Variants in CCDC15 observed in about 807,000 individuals in gnomAD.
CCDC15 encodes coiled-coil domain containing 15, also known as coiled-coil domain-containing protein 15.
CCDC15 carries 105 observed loss-of-function variants against 114.5 expected under a neutral mutation model. The observed-to-expected ratio is 0.92, with a 90% CI of 0.78 to 1.08. The LOEUF is 1.08. Ranked by LOEUF, CCDC15 falls within the 50% of genes least tolerant of loss-of-function variation. CCDC15 has a pLI of 0.00. For synonymous variants in CCDC15, 334 were observed against 377.8 expected (o/e 0.88, Z 1.34); for missense variants, 1,105 against 1,093.6 (o/e 1.01, Z -0.15).
intron 11 of CCDC15, among the ~76,000 whole-genome samples, chr11:124,993,704 A>G (rs1264509540): frequency 6.6e-6 from 1 of 152,190 alleles, no homozygotes; most frequent in Non-Finnish European, 1.5e-5. Context: ...TTAAAGAGTA[A>G]GCAACAGAAA....
chr11:124,959,744 C>T, intron 3 of CCDC15, 71 bp from the exon 4 acceptor site: 2 of 1,069,974 alleles, frequency 1.9e-6, no homozygotes, highest in Non-Finnish European at 2.6e-6. Context: ...TTCTGAACTG[C>T]TTTAGAGGCA....
intron 13 of CCDC15, among the ~76,000 whole-genome samples, chr11:125,009,127 T>A (rs184562648): frequency 8.6e-5 from 13 of 151,100 alleles, no homozygotes; most frequent in African/African-American, 3.2e-4. Context: ...CTCGGGAGGC[T>A]GAGGCAGGGG....
intron 13 of CCDC15, among the ~76,000 whole-genome samples, chr11:125,031,997 T>G (rs1194253888): frequency 6.6e-6 from 1 of 152,166 alleles, no homozygotes; most frequent in Non-Finnish European, 1.5e-5. Context: ...TCTCGACAGG[T>G]CCCACACCAC....
chr11:124,976,053 G>A (rs1017140963), intron 5 of CCDC15, among the ~76,000 whole-genome samples: 1 of 151,494 alleles, frequency 6.6e-6, no homozygotes, highest in Non-Finnish European at 1.5e-5. Flanking sequence ...TGTTTTATAG[G>A]CAGCATCTAG....
At position 125,029,715 on chromosome 11, in the gene CCDC15, G is replaced by A. The variant is rs1948725740; in HGVS notation, c.2412-8716G>A. Among the ~76,000 whole-genome samples the A allele has an allele frequency of 2.0e-5, 3 of 152,204 alleles. No homozygotes were observed. In the South Asian group the frequency reaches 6.2e-4, roughly 31 times the overall value. ...TTGCCTTCAGCAAGCACCTCGGAGAGTCTTGGTTTTTTTCCTGGTGGAGTG... is the reference window on the plus strand; with the variant it reads ...TTGCCTTCAGCAAGCACCTCGGAGAATCTTGGTTTTTTTCCTGGTGGAGTG... On this transcript the variant is annotated intron_variant, in intron 13 of 15. Transcript: ENST00000344762.
intron 13 of CCDC15, among the ~76,000 whole-genome samples, chr11:125,006,576 A>T (rs1043452697): frequency 6.6e-6 from 1 of 151,996 alleles, no homozygotes; most frequent in Non-Finnish European, 1.5e-5. Flanking sequence ...TGTTATATAT[A>T]AAAAAAAGTC....
intron 13 of CCDC15, among the ~76,000 whole-genome samples, chr11:125,009,455 A>C (rs1948574980): frequency 6.6e-6 from 1 of 152,202 alleles, no homozygotes; most frequent in African/African-American, 2.4e-5. Context: ...AATGTGTTCA[A>C]ATAGCATAAT....
chr11:125,040,928 G>A lies in CCDC15; in HGVS notation c.*217G>A. 1 of 498,280 alleles carries A rather than the reference G, an allele frequency of 2.0e-6. No individual in the cohort carries two copies. The highest frequency in any genetic ancestry group is 3.5e-6 in the Non-Finnish European group (1 of 282,034). The allele number at this position is 498,280 out of a possible 1,614,324, so 30.9% of individuals were successfully genotyped here. ...TCTTCTGTCTTGTGAACCATACGGA[G>A]CCTATTATTTTAAAATATGATCAGA... On this transcript the variant is annotated 3_prime_UTR_variant, in exon 16 of 16. Transcript: ENST00000344762.
rs1365002248 is a variant in CCDC15, at chr11:125,025,067, A to AAT, written c.2412-13359_2412-13358dup. Among the ~76,000 whole-genome samples, 45 of 115,090 alleles carry AAT rather than the reference A, an allele frequency of 3.9e-4. 3 individuals are homozygous for AAT. The highest frequency in any genetic ancestry group is 1.4e-3 in the African/African-American group (35 of 25,656). 75.5% of individuals were successfully genotyped at this position (115,090 alleles called of 152,430 possible). On this transcript the variant is annotated intron_variant, in intron 13 of 15. Transcript: ENST00000344762. The stretch of plus-strand genomic sequence containing the variant: ...ATGAATATATATGAATATATATATG[A>AAT]ATATATGAATATATATGAATATATA...
intron 11 of CCDC15, 116 bp downstream of exon 11, chr11:124,993,359 T>C (rs1948304722): frequency 1.5e-6 from 1 of 651,520 alleles, no homozygotes; most frequent in Non-Finnish European, 2.7e-6. Context: ...GACAGGGCAA[T>C]GTAACTGCTT....
At chr11:124,997,475 G>C (rs1450809161) in intron 11 of CCDC15, among the ~76,000 whole-genome samples, 2 of 151,918 alleles carry the variant, frequency 1.3e-5, no homozygotes, top group African/African-American at 4.8e-5. Context: ...TTTTTGTAGA[G>C]ACAGGGTCTT....
intron 11 of CCDC15, among the ~76,000 whole-genome samples, chr11:124,996,565 C>T (rs1264615439): frequency 6.6e-6 from 1 of 152,148 alleles, no homozygotes; most frequent in African/African-American, 2.4e-5. Flanking sequence ...TAAAATTTCC[C>T]ATTTTAATCC....
At position 124,987,905 on chromosome 11, in the gene CCDC15, A is replaced by G; in HGVS notation, c.1679A>G (p.Gln560Arg). The part of the protein sequence containing the change: ...DWNILPKCQD[Q>R]DFLPRDQGVL... ...AATATTCTACCCAAATGTCAGGACC[A>G]GGATTTTCTACCCAGAGACCAAGGT... The change falls in exon 8 of 16, where the codon CAG becomes CGG. Residue 560 changes from glutamine to arginine, a missense_variant. Coordinates refer to ENST00000344762, the MANE Select transcript of CCDC15 (RefSeq NM_025004.3). The G allele has an allele frequency of 6.2e-7, 1 of 1,614,054 alleles. No individual in the cohort carries two copies. Among genetic ancestry groups the G allele is most frequent in the Non-Finnish European group, 8.5e-7 (1 of 1,179,896 alleles).
chr11:125,020,925 T>G (rs1316277806), intron 13 of CCDC15, among the ~76,000 whole-genome samples: 1 of 151,916 alleles, frequency 6.6e-6, no homozygotes, highest in East Asian at 1.9e-4. Context: ...TGTGGATTTT[T>G]TTTTTCCTAG....
chr11:124,977,556 G>T lies in CCDC15; in HGVS notation c.709G>T (p.Gly237Cys), dbSNP rs752482971. The change falls in exon 6 of 16, where the codon GGT becomes TGT. Residue 237 changes from glycine (G) to cysteine (C), a missense_variant. Physicochemically the swap from Gly to Cys is radical, Grantham distance 159. Transcript: ENST00000344762. ...RGELPIKVHQ[G>C]LLAAVPYQNY... Reference sequence around the variant, plus strand: ...AGAGTTGCCCATTAAGGTCCATCAAGGTCTTTTAGCTGCTGTACCTTACCA... The same window carrying T: ...AGAGTTGCCCATTAAGGTCCATCAATGTCTTTTAGCTGCTGTACCTTACCA... 4.4e-6 allele frequency: 7 copies of T among 1,608,984 alleles called. No individual in the cohort carries two copies. The Admixed American group carries it at 1.2e-4, about 27-fold the overall frequency.
chr11:124,971,796 T>A (rs1264059754), intron 4 of CCDC15, among the ~76,000 whole-genome samples: 3 of 152,336 alleles, frequency 2.0e-5, no homozygotes, highest in Non-Finnish European at 1.5e-5. Context: ...TTTAGTTTTG[T>A]CTTTTGGTGT....
chr11:125,035,588 G>A (rs1434578746), intron 13 of CCDC15, among the ~76,000 whole-genome samples: 1 of 151,784 alleles, frequency 6.6e-6, no homozygotes, highest in East Asian at 1.9e-4. Flanking sequence ...TGTTATCATT[G>A]TTAAGTAAGG....
At chr11:125,031,646 A>T (rs754856035) in intron 13 of CCDC15, among the ~76,000 whole-genome samples, 8 of 152,240 alleles carry the variant, frequency 5.3e-5, no homozygotes, top group Non-Finnish European at 1.0e-4. Context: ...GCCTTGCTCC[A>T]AAATCCTAGA....
At chr11:124,979,195 C>T (rs1021209136) in intron 6 of CCDC15, among the ~76,000 whole-genome samples, 1 of 152,120 alleles carries the variant, frequency 6.6e-6, no homozygotes, top group Admixed American at 6.6e-5. Context: ...GTTACTGTAG[C>T]CTTGTAGTGT....
Sources: gnomAD v4.1 joint callset for allele counts (sites outside exome capture counted in the v4.1 genomes callset) on GRCh38, gnomAD v4.1.1 for gene constraint, MANE v1.5 for transcripts, NCBI Gene and HGNC (gene_info 2026-07-23, HGNC 2026-07-21) for gene names.